The following PSEN1 variants were observed in gnomAD, a reference collection of about 807,000 sequenced individuals.
PSEN1 encodes the protein presenilin 1.
PSEN1 carries 15 observed loss-of-function variants against 53.5 expected under a neutral mutation model. The ratio of observed to expected loss-of-function variants is 0.28; its 90% CI spans 0.19 to 0.43. The LOEUF is 0.43. Among genes scored for constraint, PSEN1 ranks in the 20% least tolerant of loss-of-function variants. The pLI, the probability that PSEN1 is intolerant of heterozygous loss-of-function variation, is 1.00. For synonymous variants in PSEN1, 208 were observed against 209.8 expected, an observed-to-expected ratio of 0.99 and a Z score of 0.08; for missense variants, 387 against 571.2, an observed-to-expected ratio of 0.68 and a Z score of 3.29.
intron 3 of PSEN1, among the ~76,000 whole-genome samples, chr14:73,162,905 G>A (rs938610380): frequency 1.3e-5 from 2 of 152,160 alleles, no homozygotes; most frequent in African/African-American, 2.4e-5. Context: ...GGGAGCTTTT[G>A]TACTCTATAC....
intron 9 of PSEN1, chr14:73,208,901 GC>G (rs1239942279): frequency 4.4e-6 from 2 of 454,910 alleles, no homozygotes; most frequent in East Asian, 1.4e-4. Context: ...GCCAAAGGGT[GC>G]CTGCAGGCCC....
In PSEN1 at chr14:73,183,887, C is replaced by T. The variant is rs1262157493; in HGVS notation, c.481-2966C>T. On this transcript the variant is annotated intron_variant, in intron 5 of 11. Coordinates refer to ENST00000324501, the MANE Select transcript of PSEN1 (RefSeq NM_000021.4). ...CAGTAGGGGCGGCCGGGCAGAGGTG[C>T]CCCTCACCTCCCGGGCGGGGCGGCT... Among the ~76,000 whole-genome samples, 10 of 150,620 alleles carry T rather than the reference C, an allele frequency of 6.6e-5. 1 individual carries two copies. Among genetic ancestry groups the T allele is most frequent in the Admixed American group, 2.0e-4 (3 of 15,196 alleles).
At chr14:73,188,189 A>C (rs1004335484) in intron 6 of PSEN1, among the ~76,000 whole-genome samples, 1 of 148,624 alleles carries the variant, frequency 6.7e-6, no homozygotes, top group Admixed American at 6.6e-5. Flanking sequence ...GGCCTCCCAA[A>C]GTGCTGGAAT....
chr14:73,188,787 T>G (rs1898610076), intron 6 of PSEN1, among the ~76,000 whole-genome samples: 1 of 152,138 alleles, frequency 6.6e-6, no homozygotes, highest in Admixed American at 6.5e-5. Flanking sequence ...TGTTTGTTTG[T>G]TTTTTGTTTT....
At chr14:73,208,488 G>C (rs1899544423) in intron 9 of PSEN1, among the ~76,000 whole-genome samples, 2 of 152,056 alleles carry the variant, frequency 1.3e-5, no homozygotes, top group African/African-American at 4.8e-5. Flanking sequence ...GTAATCCTCA[G>C]TGGAGAGGAG....
chr14:73,191,998 T>C (rs1014103043), intron 6 of PSEN1, among the ~76,000 whole-genome samples: 4 of 152,204 alleles, frequency 2.6e-5, no homozygotes, highest in African/African-American at 9.6e-5. Flanking sequence ...TTAGGTATGA[T>C]ATGATCTTTT....
intron 6 of PSEN1, among the ~76,000 whole-genome samples, chr14:73,188,729 T>C (rs1265553019): frequency 2.0e-5 from 3 of 152,220 alleles, no homozygotes; most frequent in African/African-American, 7.2e-5. Context: ...AGCTAGAAGC[T>C]TGCCTATTAA....
At position 73,198,146 on chromosome 14, in the gene PSEN1, G is replaced by T. The variant is rs1276358585; in HGVS notation, c.868+17G>T. ...TTTACTCCTGTAAGTATTTGAGAAG[G>T]ATATTGAATTAGTAATCAGTGTAGA... is the stretch of plus-strand genomic sequence containing the variant. On this transcript the variant is annotated intron_variant, in intron 8 of 11. Transcript: ENST00000324501. 2 of 1,361,092 alleles carry T rather than the reference G, an allele frequency of 1.5e-6. No individual in the cohort carries two copies. Among genetic ancestry groups the T allele is most frequent in the Non-Finnish European group, 2.1e-6 (2 of 952,454 alleles). The allele number at this position is 1,361,092 out of a possible 1,614,324, so 84.3% of individuals were successfully genotyped here.
intron 3 of PSEN1, among the ~76,000 whole-genome samples, chr14:73,170,471 C>G (rs1167188482): frequency 6.6e-6 from 1 of 152,172 alleles, no homozygotes; most frequent in African/African-American, 2.4e-5. Flanking sequence ...GAAAAAGGTG[C>G]TTGGAGCTGC....
At chr14:73,198,190 A>G (rs886409080) in intron 8 of PSEN1, 61 bp downstream of exon 8, 8 of 966,514 alleles carry the variant, frequency 8.3e-6, no homozygotes, top group Non-Finnish European at 1.3e-5. Flanking sequence ...GAACTGAAGC[A>G]CATGTAACTA....
intron 3 of PSEN1, chr14:73,168,929 G>T (rs2140031816): frequency 6.6e-6 from 1 of 152,412 alleles, no homozygotes. Context: ...GGAGCAACTG[G>T]CTGGTTCCCG....
In PSEN1 at chr14:73,206,391, A is replaced by G. The variant is rs1899456795; in HGVS notation, c.874A>G (p.Met292Val). The G allele has an allele frequency of 1.2e-6, 2 of 1,613,850 alleles. No individual in the cohort carries two copies. Among genetic ancestry groups the G allele is most frequent in the East Asian group, 2.2e-5 (1 of 44,876 alleles). Reference sequence around the variant, plus strand: ...AATTTTGTCTTTCCCAACAGCAACAATGGTGTGGTTGGTGAATATGGCAGA... The same window carrying G: ...AATTTTGTCTTTCCCAACAGCAACAGTGGTGTGGTTGGTGAATATGGCAGA... ...LFPALIYSST[M>V]VWLVNMAEGD... is the part of the protein sequence containing the mutation. The change falls in exon 9 of 12, where the codon ATG becomes GTG. Residue 292 changes from methionine (M) to valine (V), a missense_variant. Coordinates refer to ENST00000324501, the MANE Select transcript of PSEN1 (RefSeq NM_000021.4).
chr14:73,180,236 C>T lies in PSEN1; in HGVS notation c.480+6529C>T, dbSNP rs530596157. 6.6e-5 allele frequency among the ~76,000 whole-genome samples: 10 copies of T among 152,246 alleles called. No homozygotes were observed. The East Asian group carries it at 1.4e-3, about 21-fold the overall frequency. On this transcript the variant is annotated intron_variant, in intron 5 of 11. Transcript: ENST00000324501. ...CTGACCTCAGGTGATCCACTGGTTT[C>T]GGCCTCCCAAAGTGCTGGGACTACA...
At chr14:73,211,649 G>T (rs1406426161) in intron 9 of PSEN1, 120 bp from the exon 10 acceptor site, 2 of 1,030,538 alleles carry the variant, frequency 1.9e-6, no homozygotes, top group Non-Finnish European at 2.9e-6. Context: ...TACAGCCCAT[G>T]CTTTGTGGTT....
At chr14:73,204,297 CTTT>C (rs546391770) in intron 8 of PSEN1, among the ~76,000 whole-genome samples, 1 of 137,516 alleles carries the variant, frequency 7.3e-6, no homozygotes, top group Non-Finnish European at 1.6e-5. Context: ...CATGCCTGGC[CTTT>C]TTTTTTTTTT....
intron 8 of PSEN1, among the ~76,000 whole-genome samples, chr14:73,205,694 C>T (rs1175933138): frequency 6.6e-6 from 1 of 152,150 alleles, no homozygotes; most frequent in Non-Finnish European, 1.5e-5. Context: ...AAATTTCCCT[C>T]CAGTGGGGAT....
intron 3 of PSEN1, among the ~76,000 whole-genome samples, chr14:73,163,247 T>C (rs534641411): frequency 6.6e-6 from 1 of 152,350 alleles, no homozygotes; most frequent in African/African-American, 2.4e-5. Context: ...TCATTTTCAG[T>C]GAACTACAAA....
intron 8 of PSEN1, among the ~76,000 whole-genome samples, chr14:73,205,818 G>A (rs560693858): frequency 1.3e-5 from 2 of 152,338 alleles, no homozygotes; most frequent in Non-Finnish European, 2.9e-5. Flanking sequence ...TCTAGATCTA[G>A]ATTGATATAT....
chr14:73,192,383 G>A (rs1331886210), intron 6 of PSEN1, among the ~76,000 whole-genome samples: 2 of 152,116 alleles, frequency 1.3e-5, no homozygotes, highest in African/African-American at 2.4e-5. Context: ...AAAGACTGCA[G>A]TGAGCCGTGA....
Sources: gnomAD v4.1 joint callset for allele counts (sites outside exome capture counted in the v4.1 genomes callset) on GRCh38, gnomAD v4.1.1 for gene constraint, MANE v1.5 for transcripts, NCBI Gene and HGNC (gene_info 2026-07-23, HGNC 2026-07-21) for gene names.